The following ATP5PF variants were observed in gnomAD, a reference collection of about 807,000 sequenced individuals.
ATP5PF encodes ATP synthase peripheral stalk subunit F6, mitochondrial.
Under a neutral mutation model 12.0 loss-of-function variants are expected in ATP5PF, and 7 were observed. That is an observed-to-expected ratio of 0.58 (90% CI 0.33 to 1.10). The LOEUF is 1.10. Ranked by LOEUF, ATP5PF falls within the 50% of genes least tolerant of loss-of-function variation. The pLI, the probability that ATP5PF is intolerant of heterozygous loss-of-function variation, is 0.03. For synonymous variants in ATP5PF, 41 were observed against 45.4 expected (o/e 0.90, Z 0.39); for missense variants, 120 against 127.7 (o/e 0.94, Z 0.29).
intron 3 of ATP5PF, 143 bp from the exon 4 acceptor site, chr21:25,724,820 A>G (rs1033636569): frequency 1.2e-6 from 1 of 814,756 alleles, no homozygotes; most frequent in Non-Finnish European, 1.9e-6. Context: ...ATATAGCTAA[A>G]CATTTATGCA....
At chr21:25,733,396 G>A (rs535381294) in intron 1 of ATP5PF, among the ~76,000 whole-genome samples, 1 of 152,252 alleles carries the variant, frequency 6.6e-6, no homozygotes, top group South Asian at 2.1e-4. Context: ...CAGGCGTGGT[G>A]GCGGGCACCT....
intron 1 of ATP5PF, among the ~76,000 whole-genome samples, chr21:25,732,120 G>C (rs1381312537): frequency 2.0e-5 from 3 of 152,086 alleles, no homozygotes; most frequent in Non-Finnish European, 4.4e-5. Flanking sequence ...TTGGGGGTGG[G>C]GGAAGAAGTG....
intron 2 of ATP5PF, among the ~76,000 whole-genome samples, chr21:25,726,920 C>T (rs904360890): frequency 5.3e-5 from 8 of 152,094 alleles, no homozygotes; most frequent in Non-Finnish European, 1.2e-4. Context: ...TAGGTGGCTC[C>T]AATTTAAGAA....
chr21:25,734,612 C>T (rs917149750), intron 1 of ATP5PF: 4 of 427,490 alleles, frequency 9.4e-6, no homozygotes, highest in East Asian at 4.7e-5. Flanking sequence ...GGCCTCCCTG[C>T]CCCCCGCGCC....
intron 2 of ATP5PF, among the ~76,000 whole-genome samples, chr21:25,729,002 G>A (rs1301820691): frequency 1.5e-5 from 2 of 134,234 alleles, no homozygotes; most frequent in Non-Finnish European, 3.0e-5. Flanking sequence ...CTAAGATTTG[G>A]GTTTGGACCT....
chr21:25,733,198 C>G (rs909374761), intron 1 of ATP5PF, among the ~76,000 whole-genome samples: 1 of 151,978 alleles, frequency 6.6e-6, no homozygotes, highest in Non-Finnish European at 1.5e-5. Flanking sequence ...TATTATCATT[C>G]CTATGTTTAA....
At chr21:25,732,075 A>C (rs1218875229) in intron 1 of ATP5PF, among the ~76,000 whole-genome samples, 1 of 152,182 alleles carries the variant, frequency 6.6e-6, no homozygotes, top group Non-Finnish European at 1.5e-5. Context: ...CTAGCTAGAA[A>C]ACTGTAGAGT....
intron 1 of ATP5PF, among the ~76,000 whole-genome samples, chr21:25,734,024 T>C (rs1456267231): frequency 2.0e-5 from 3 of 152,202 alleles, no homozygotes; most frequent in Admixed American, 6.5e-5. Flanking sequence ...TCCTACGAAC[T>C]CATCCAAAAA....
chr21:25,734,287 C>T, intron 1 of ATP5PF: 1 of 977,624 alleles, frequency 1.0e-6, no homozygotes, highest in Non-Finnish European at 1.2e-6. Context: ...TGAGCAGAGG[C>T]CTTGTTCTGG....
At chr21:25,730,242 G>A (rs972985370) in intron 1 of ATP5PF, among the ~76,000 whole-genome samples, 6 of 152,174 alleles carry the variant, frequency 3.9e-5, no homozygotes, top group South Asian at 2.1e-4. Context: ...CCCACAGAGG[G>A]AGAAACTGCT....
At chr21:25,733,186 C>T (rs1568931558) in intron 1 of ATP5PF, among the ~76,000 whole-genome samples, 1 of 152,006 alleles carries the variant, frequency 6.6e-6, no homozygotes, top group African/African-American at 2.4e-5. Flanking sequence ...TCATGTGCCA[C>T]TTATTATCAT....
intron 2 of ATP5PF, among the ~76,000 whole-genome samples, chr21:25,725,734 C>G (rs147301390): frequency 1.3e-5 from 2 of 152,188 alleles, no homozygotes; most frequent in Non-Finnish European, 2.9e-5. Context: ...CCACCACACC[C>G]GGCCAATAGA....
chr21:25,734,735 C>T, intron 1 of ATP5PF, 118 bp downstream of exon 1: 1 of 1,074,260 alleles, frequency 9.3e-7, no homozygotes, highest in Non-Finnish European at 1.3e-6. Flanking sequence ...GTGAAGGTCC[C>T]CAGGACACAG....
intron 2 of ATP5PF, 63 bp downstream of exon 2, chr21:25,729,568 A>G (rs931347634): frequency 2.1e-6 from 3 of 1,419,492 alleles, no homozygotes; most frequent in South Asian, 2.9e-5. Context: ...CATTTTTATT[A>G]CCACCTTGAA....
In ATP5PF at chr21:25,725,106, G is replaced by A. The variant is rs1052795776; in HGVS notation, c.289+120C>T. 86 of 1,356,154 alleles carry A rather than the reference G, an allele frequency of 6.3e-5. No homozygotes were observed. In the African/African-American group the frequency reaches 8.6e-4, roughly 14 times the overall value. 84.0% of individuals were successfully genotyped at this position (1,356,154 alleles called of 1,614,324 possible). On this transcript the variant is annotated intron_variant, in intron 3 of 3. Transcript: ENST00000284971. ...TTAGCCGGCAGCTTCTCAGGCACAC[G>A]TCATGGTCCTAATAAATTCACATGT...
intron 1 of ATP5PF, chr21:25,734,334 G>T: frequency 8.1e-6 from 8 of 986,214 alleles, no homozygotes; most frequent in Non-Finnish European, 9.6e-6. Context: ...ATGACTGACC[G>T]GCCAAAGGTT....
At chr21:25,726,727 A>G (rs562604274) in intron 2 of ATP5PF, among the ~76,000 whole-genome samples, 2 of 152,332 alleles carry the variant, frequency 1.3e-5, no homozygotes, top group South Asian at 4.1e-4. Flanking sequence ...GGTCTCATTA[A>G]TTCTTTGAAG....
At chr21:25,727,148 T>C (rs1003351155) in intron 2 of ATP5PF, among the ~76,000 whole-genome samples, 1 of 152,224 alleles carries the variant, frequency 6.6e-6, no homozygotes, top group Non-Finnish European at 1.5e-5. Context: ...AGAATTTGAA[T>C]AGTCTCATGG....
At chr21:25,732,157 T>C (rs142759644) in intron 1 of ATP5PF, among the ~76,000 whole-genome samples, 2 of 152,290 alleles carry the variant, frequency 1.3e-5, no homozygotes, top group African/African-American at 4.8e-5. Context: ...AGGAGACATC[T>C]GGCAATGTCT....
Sources: allele counts gnomAD v4.1 joint callset (sites outside exome capture counted in the v4.1 genomes callset), GRCh38; gene constraint gnomAD v4.1.1; transcripts MANE v1.5; gene names NCBI Gene and HGNC (gene_info 2026-07-23, HGNC 2026-07-21).